ZNF732: variants seen among roughly 807,000 people sequenced by gnomAD.
The protein encoded by ZNF732 is zinc finger protein 732.
ZNF732 carries 12 observed loss-of-function variants against 11.5 expected under a neutral mutation model. The observed-to-expected ratio is 1.05, with a 90% confidence interval of 0.67 to 1.70. The LOEUF (loss-of-function observed/expected upper bound fraction) is 1.70. ZNF732 is among the 40% of genes most tolerant of loss of function. The probability of loss-of-function intolerance (pLI) is 0.00; values close to 1 mark genes in which losing one functional copy is unlikely to be tolerated. For synonymous variants in ZNF732, 231 were observed against 236.5 expected (o/e 0.98, Z 0.21); for missense variants, 702 against 676.9 (o/e 1.04, Z -0.41).
chr4:275,856 T>C (rs1719483429), intron 3 of ZNF732, among the ~76,000 whole-genome samples: 1 of 151,608 alleles, frequency 6.6e-6, no homozygotes, highest in African/African-American at 2.4e-5. Flanking sequence ...TCTAAAGCAG[T>C]TTGACTTTAA....
intron 3 of ZNF732, among the ~76,000 whole-genome samples, chr4:273,921 A>G (rs1415170015): frequency 1.3e-5 from 2 of 151,790 alleles, no homozygotes; most frequent in Non-Finnish European, 3.0e-5. Context: ...AAACTGTCCT[A>G]AAAATGAAGA....
rs565257786 is a variant in ZNF732 at position 299,059 on chromosome 4, C to G, written c.4-2904G>C. On this transcript the variant is annotated intron_variant, in intron 1 of 3. Coordinates refer to ENST00000419098, the MANE Select transcript of ZNF732 (RefSeq NM_001137608.3). ...TTCTGTTATGTCTTCAGCCCAAAGTCTGGTCCTGTCTTGTGAATCCTAGGC... is the reference window on the plus strand; with the variant it reads ...TTCTGTTATGTCTTCAGCCCAAAGTGTGGTCCTGTCTTGTGAATCCTAGGC... Among the ~76,000 whole-genome samples the G allele has an allele frequency of 2.6e-5, 4 of 152,110 alleles. No individual in the cohort carries two copies. The East Asian group carries it at 7.8e-4, about 30-fold the overall frequency.
At chr4:292,792 A>C (rs1719865239) in intron 3 of ZNF732, among the ~76,000 whole-genome samples, 1 of 149,352 alleles carries the variant, frequency 6.7e-6, no homozygotes, top group South Asian at 2.1e-4. Flanking sequence ...CACGCCTGTA[A>C]TCCCAACACT....
In ZNF732 at chr4:271,789, A is replaced by C; in HGVS notation, c.1068T>G (p.His356Gln). 6.2e-7 allele frequency: 1 copy of C among 1,612,506 alleles called. No homozygotes were observed. Among genetic ancestry groups the C allele is most frequent in the Non-Finnish European group, 8.5e-7 (1 of 1,179,112 alleles). Residue 356 changes from histidine to glutamine, a missense_variant, in exon 4 of 4, where the codon CAT (histidine) becomes CAG (glutamine). His to Gln is a conservative substitution (Grantham distance 24). Transcript: ENST00000419098. ...CACATTTGTAGGGCTTCTCTCCAGT[A>C]TGAATTCTCTTATGTTCATTCAGAA... ...SSVLNEHKRI[H>Q]TGEKPYKCEQ...
chr4:305,159 A>G (rs1482276118), intron 1 of ZNF732, 149 bp downstream of exon 1: 1 of 1,104,222 alleles, frequency 9.1e-7, no homozygotes. Context: ...ACCGACATGA[A>G]CCCGGGTCCC....
At position 271,197 on chromosome 4, in the gene ZNF732, CA is replaced by C; in HGVS notation, c.1659del (p.Gly554GlufsTer48). 1 of 1,555,038 alleles carries C rather than the reference CA, an allele frequency of 6.4e-7. No individual in the cohort carries two copies. The highest frequency in any genetic ancestry group is 8.7e-7 in the Non-Finnish European group (1 of 1,148,772). ...CCTTTACATTTGGGGGTTTTATCTC[CA>C]GTATGAATTGTCTTATATTTATTCA... ...RVLNKYKTIH[T>X]GDKTPKCKGC... On this transcript the variant is annotated frameshift_variant, in exon 4 of 4. Coordinates refer to ENST00000419098, the MANE Select transcript of ZNF732 (RefSeq NM_001137608.3). LOFTEE classifies it low-confidence loss of function (END_TRUNC).
chr4:280,442 G>T (rs1553839577), intron 3 of ZNF732, among the ~76,000 whole-genome samples: 1 of 152,122 alleles, frequency 6.6e-6, no homozygotes, highest in African/African-American at 2.4e-5. Context: ...TTAGCCGGGT[G>T]TGGTGGCTGG....
chr4:296,300 T>C, intron 1 of ZNF732, 145 bp from the exon 2 acceptor site: 10 of 1,190,388 alleles, frequency 8.4e-6, no homozygotes, highest in East Asian at 2.6e-5. Context: ...AAGTATTCTA[T>C]AGCTCTGCAG....
At chr4:282,242 T>TCC (rs1359147381) in intron 3 of ZNF732, among the ~76,000 whole-genome samples, 23 of 152,310 alleles carry the variant, frequency 1.5e-4, no homozygotes, top group African/African-American at 5.3e-4. Flanking sequence ...AAATAGTGTG[T>TCC]TGAAAGGAGT....
At chr4:276,240 G>C (rs948483743) in intron 3 of ZNF732, among the ~76,000 whole-genome samples, 10 of 151,702 alleles carry the variant, frequency 6.6e-5, no homozygotes, top group South Asian at 4.1e-4. Context: ...AAAAACAATA[G>C]GGAAACAATA....
Position 305,353 on chromosome 4 carries a change from T to C in ZNF732, c.-43A>G. The C allele has an allele frequency of 6.2e-7, 1 of 1,606,618 alleles. No homozygotes were observed. The highest frequency in any genetic ancestry group is 8.5e-7 in the Non-Finnish European group (1 of 1,179,632). On this transcript the variant is annotated 5_prime_UTR_variant, in exon 1 of 4. An upstream start codon of the reference 5' UTR is lost. Coordinates refer to ENST00000419098, the MANE Select transcript of ZNF732 (RefSeq NM_001137608.3). ...GTAGCGGAGTCTCAGCTACGAATCA[T>C]CCAATACCCGCAGGTCACAGAGCGA...
At chr4:290,803 C>G (rs1156852295) in intron 3 of ZNF732, among the ~76,000 whole-genome samples, 2 of 152,222 alleles carry the variant, frequency 1.3e-5, no homozygotes, top group Non-Finnish European at 2.9e-5. Context: ...ACACAATGCA[C>G]AGCAGACCCA....
chr4:275,191 C>T (rs1553838478), intron 3 of ZNF732, among the ~76,000 whole-genome samples: 1 of 151,460 alleles, frequency 6.6e-6, no homozygotes, highest in East Asian at 1.9e-4. Flanking sequence ...TGAAATTTTA[C>T]AGATTACTTT....
chr4:283,012 G>A (rs1719648290), intron 3 of ZNF732, among the ~76,000 whole-genome samples: 1 of 152,114 alleles, frequency 6.6e-6, no homozygotes, highest in Non-Finnish European at 1.5e-5. Context: ...GCTATGGTTT[G>A]AGTGCCCCCT....
At chr4:299,923 C>T (rs559158828) in intron 1 of ZNF732, among the ~76,000 whole-genome samples, 5 of 142,876 alleles carry the variant, frequency 3.5e-5, no homozygotes, top group East Asian at 2.1e-4. Context: ...AGTCTGGTCT[C>T]GAACTCCGGA....
chr4:294,699 G>A (rs1719909270), intron 3 of ZNF732, among the ~76,000 whole-genome samples: 1 of 152,154 alleles, frequency 6.6e-6, no homozygotes, highest in Non-Finnish European at 1.5e-5. Context: ...AAGCTCATCA[G>A]CTATCATTAG....
At chr4:299,437 A>ACATATGTG (rs1720045994) in intron 1 of ZNF732, among the ~76,000 whole-genome samples, 2 of 11,912 alleles carry the variant, frequency 1.7e-4, no homozygotes, top group Non-Finnish European at 2.7e-4. Flanking sequence ...ACATATGTGT[A>ACATATGTG]TATATATATA....
intron 1 of ZNF732, among the ~76,000 whole-genome samples, chr4:299,653 G>T (rs1720070990): frequency 2.3e-5 from 3 of 129,404 alleles, no homozygotes; most frequent in African/African-American, 6.0e-5. Flanking sequence ...TATTACATAT[G>T]TAAATTATAT....
intron 3 of ZNF732, among the ~76,000 whole-genome samples, chr4:283,833 A>G (rs1285765443): frequency 6.6e-6 from 1 of 152,240 alleles, no homozygotes; most frequent in Non-Finnish European, 1.5e-5. Flanking sequence ...TCTAGCATAC[A>G]TCATAAATCT....
Sources: gnomAD v4.1 joint callset for allele counts (sites outside exome capture counted in the v4.1 genomes callset) on GRCh38, gnomAD v4.1.1 for gene constraint, MANE v1.5 for transcripts, NCBI Gene and HGNC (gene_info 2026-07-23, HGNC 2026-07-21) for gene names.